The following PAIP1 variants were observed in gnomAD, a reference collection of about 807,000 sequenced individuals.
The protein encoded by PAIP1 is polyadenylate-binding protein-interacting protein 1.
Under a neutral mutation model 61.3 loss-of-function variants are expected in PAIP1, and 16 were observed. That is an observed-to-expected ratio of 0.26 (90% CI 0.18 to 0.40). The LOEUF is 0.40. PAIP1 is among the 10% of genes least tolerant of loss of function. The probability of loss-of-function intolerance (pLI) is 1.00; values close to 1 mark genes in which losing one functional copy is unlikely to be tolerated. For missense variants in PAIP1, 416 were observed against 600.9 expected, an observed-to-expected ratio of 0.69 and a Z score of 3.22; for synonymous variants, 187 against 226.2, an observed-to-expected ratio of 0.83 and a Z score of 1.56.
intron 7 of PAIP1, among the ~76,000 whole-genome samples, chr5:43,535,312 AT>A (rs1747098899): frequency 6.6e-6 from 1 of 152,218 alleles, no homozygotes; most frequent in Non-Finnish European, 1.5e-5. Flanking sequence ...AGCTTTTTCA[AT>A]TTCTAAATGT....
chr5:43,542,548 AAAG>A (rs1289629468), intron 4 of PAIP1, among the ~76,000 whole-genome samples: 1 of 152,082 alleles, frequency 6.6e-6, no homozygotes, highest in African/African-American at 2.4e-5. Flanking sequence ...AAAAAAAAAA[AAAG>A]CTTTTTAATA....
At chr5:43,547,410 G>A (rs1317941188) in intron 3 of PAIP1, among the ~76,000 whole-genome samples, 2 of 152,132 alleles carry the variant, frequency 1.3e-5, no homozygotes, top group Admixed American at 1.3e-4. Context: ...TGGTGGGGGT[G>A]ACACTTATGT....
chr5:43,553,767 G>A (rs73751745), intron 2 of PAIP1, among the ~76,000 whole-genome samples: 1 of 152,122 alleles, frequency 6.6e-6, no homozygotes, highest in Non-Finnish European at 1.5e-5. Context: ...AATTCAGGTA[G>A]ATTACAAATG....
intron 9 of PAIP1, 52 bp downstream of exon 9, chr5:43,533,686 T>G: frequency 8.8e-7 from 1 of 1,131,914 alleles, no homozygotes; most frequent in South Asian, 1.2e-5. Flanking sequence ...TTCTGTAAAT[T>G]TACTACTTTA....
chr5:43,534,703 T>C, intron 8 of PAIP1, 150 bp downstream of exon 8: 2 of 596,994 alleles, frequency 3.4e-6, no homozygotes, highest in South Asian at 4.2e-5. Context: ...TCTTTTCTTT[T>C]TTACCCAGTC....
rs1748126828 is a variant in PAIP1 at position 43,557,008 on chromosome 5, C to G, written c.-162G>C. ...CGGCTCGGCTGCTCGGTGCTTCTGG[C>G]GGAGCGGACGGCAGCCCGAGCACCC... On this transcript the variant is annotated 5_prime_UTR_variant, in exon 1 of 11. Transcript: ENST00000306846. 12 of 1,186,468 alleles carry G rather than the reference C, an allele frequency of 1.0e-5. No homozygotes were observed. The highest frequency in any genetic ancestry group is 3.3e-5 in the East Asian group (1 of 30,690). The allele number at this position is 1,186,468 out of a possible 1,614,324, so 73.5% of individuals were successfully genotyped here. A position where few individuals can be genotyped will look rare whatever the true frequency, so the allele number is the denominator to read the frequency against.
rs6869933 is a variant in PAIP1 at position 43,535,652 on chromosome 5, G to C, written c.973-12C>G. 664,838 of 1,425,612 alleles carry C rather than the reference G, an allele frequency of 0.47. 160,676 individuals are homozygous for C. The highest frequency in any genetic ancestry group is 0.59 in the African/African-American group (42,197 of 71,176). 88.3% of individuals were successfully genotyped at this position (1,425,612 alleles called of 1,614,324 possible). ...ACTGATCCTGTCAACTAAAAAAGCA[G>C]GTGTCAGTAAAATAAGAAATTCAAT... On this transcript the variant is annotated splice_polypyrimidine_tract_variant and intron_variant, in intron 6 of 10. Coordinates refer to ENST00000306846, the MANE Select transcript of PAIP1 (RefSeq NM_006451.5).
intron 4 of PAIP1, among the ~76,000 whole-genome samples, chr5:43,542,199 A>C (rs1408760047): frequency 6.7e-6 from 1 of 149,594 alleles, no homozygotes; most frequent in Admixed American, 6.7e-5. Flanking sequence ...AAAATCCCAC[A>C]AAAGAACAAA....
At chr5:43,538,768 C>G (rs1747260348) in intron 5 of PAIP1, among the ~76,000 whole-genome samples, 156 bp downstream of exon 5, 1 of 152,208 alleles carries the variant, frequency 6.6e-6, no homozygotes, top group African/African-American at 2.4e-5. Context: ...GTCCAGTAAA[C>G]CACAGACACT....
Position 43,540,169 on chromosome 5 carries a change from T to TA in PAIP1, c.735-1135dup, listed in dbSNP as rs571306177. ...CAATTCCAATGTTTACGAGGTATAT[T>TA]AACTGAGCAACATCTTCTGTTTAAG... On this transcript the variant is annotated intron_variant, in intron 4 of 10. Coordinates refer to ENST00000306846, the MANE Select transcript of PAIP1 (RefSeq NM_006451.5). Among the ~76,000 whole-genome samples the TA allele has an allele frequency of 1.1e-4, 16 of 152,358 alleles. No homozygotes were observed. The East Asian group carries it at 3.1e-3, about 29-fold the overall frequency.
chr5:43,545,831 G>A (rs976647288), intron 3 of PAIP1, among the ~76,000 whole-genome samples: 5 of 151,416 alleles, frequency 3.3e-5, no homozygotes, highest in Admixed American at 6.6e-5. Flanking sequence ...GTGCAGTGGC[G>A]CAATCTCGGC....
chr5:43,544,708 C>T (rs1747559217), intron 3 of PAIP1, among the ~76,000 whole-genome samples: 1 of 152,150 alleles, frequency 6.6e-6, no homozygotes, highest in Non-Finnish European at 1.5e-5. Context: ...AATTCCACAC[C>T]TGACCTCATG....
chr5:43,528,542 G>A (rs140161981), intron 10 of PAIP1, among the ~76,000 whole-genome samples: 315 of 152,248 alleles, frequency 2.1e-3, no homozygotes, highest in African/African-American at 7.1e-3. Context: ...TTATCTTCCA[G>A]CGGTATACCC....
chr5:43,527,173 T>TTATA lies in PAIP1; in HGVS notation c.*199_*202dup, dbSNP rs749963449. ...AGAATTAACTGTACATAATAAACTA[T>TTATA]TATATATATATACACATTTTAAGTT... On this transcript the variant is annotated 3_prime_UTR_variant, in exon 11 of 11. Transcript: ENST00000306846. The TTATA allele has an allele frequency of 2.9e-6, 1 of 341,644 alleles. No homozygotes were observed. Among genetic ancestry groups the TTATA allele is most frequent in the African/African-American group, 2.1e-5 (1 of 46,912 alleles). 21.2% of individuals were successfully genotyped at this position (341,644 alleles called of 1,614,324 possible).
At position 43,532,978 on chromosome 5, in the gene PAIP1, G is replaced by A. The variant is rs551680921; in HGVS notation, c.1252+760C>T. Among the ~76,000 whole-genome samples, 6 of 152,298 alleles carry A rather than the reference G, an allele frequency of 3.9e-5. No homozygotes were observed. In the East Asian group the frequency reaches 1.2e-3, roughly 29 times the overall value. On this transcript the variant is annotated intron_variant, in intron 9 of 10. Transcript: ENST00000306846. Reference sequence around the variant, plus strand: ...AAAGATGAGGAGCAGGAACCCTCATGTGCTGCTGATGGGAAGATTAAGTGG... The same window carrying A: ...AAAGATGAGGAGCAGGAACCCTCATATGCTGCTGATGGGAAGATTAAGTGG...
rs765888476 is a variant in PAIP1 at position 43,533,786 on chromosome 5, G to C, written c.1204C>G (p.Pro402Ala). Residue 402 changes from proline (P) to alanine (A), a missense_variant, in exon 9 of 11, where the codon CCA (proline) becomes GCA (alanine). Pro to Ala is a conservative substitution (Grantham distance 27). Transcript: ENST00000306846. ...ENDPNYFMNEPTFYTSDGVPF... is the reference protein window; with the variant it reads ...ENDPNYFMNEATFYTSDGVPF... The stretch of plus-strand genomic sequence containing the variant: ...ACACCATCAGATGTATAAAATGTTG[G>C]TTCATTCTAGGATGAATCAAAGTGA... 1.9e-6 allele frequency: 3 copies of C among 1,557,918 alleles called. No individual in the cohort carries two copies. Among genetic ancestry groups the C allele is most frequent in the Non-Finnish European group, 2.7e-6 (3 of 1,128,944 alleles).
intron 6 of PAIP1, among the ~76,000 whole-genome samples, chr5:43,535,998 CACAA>C (rs1747139144): frequency 7.7e-5 from 10 of 129,938 alleles, no homozygotes; most frequent in African/African-American, 2.8e-4. Context: ...AAAAAAAAAA[CACAA>C]ACATGCATTT....
intron 2 of PAIP1, among the ~76,000 whole-genome samples, chr5:43,553,227 C>T (rs955368575): frequency 9.2e-5 from 14 of 152,082 alleles, no homozygotes; most frequent in Non-Finnish European, 1.9e-4. Context: ...TAGCAACTCA[C>T]TGGTAAGAAG....
chr5:43,556,203 C>T, intron 1 of PAIP1: 1 of 1,337,836 alleles, frequency 7.5e-7, no homozygotes, highest in Non-Finnish European at 9.5e-7. Context: ...ATGGGCATAC[C>T]TGCCTCTCAA....
Sources: gnomAD v4.1 joint callset for allele counts (sites outside exome capture counted in the v4.1 genomes callset) on GRCh38, gnomAD v4.1.1 for gene constraint, MANE v1.5 for transcripts, NCBI Gene and HGNC (gene_info 2026-07-23, HGNC 2026-07-21) for gene names.